Variants in FBXL13 observed in about 807,000 individuals in gnomAD.
The protein encoded by FBXL13 is F-box and leucine rich repeat protein 13, also known as F-box and leucine-rich repeat protein 13.
Under a neutral mutation model 83.6 loss-of-function variants are expected in FBXL13, and 67 were observed. The observed-to-expected ratio is 0.80, with a 90% CI of 0.66 to 0.98. The LOEUF (loss-of-function observed/expected upper bound fraction) is 0.98, where lower values mean the gene tolerates loss of function less well. FBXL13 is among the 50% of genes least tolerant of loss of function. The pLI, the probability that FBXL13 is intolerant of heterozygous loss-of-function variation, is 0.00. For synonymous variants in FBXL13, 272 were observed against 299.5 expected (o/e 0.91, Z 0.95); for missense variants, 822 against 866.5 (o/e 0.95, Z 0.64).
intron 18 of FBXL13, among the ~76,000 whole-genome samples, chr7:102,827,477 A>G (rs1010829705): frequency 3.3e-5 from 5 of 152,128 alleles, no homozygotes; most frequent in African/African-American, 9.7e-5. Flanking sequence ...AGCCAATACT[A>G]TGTGCCAGGA....
chr7:102,872,632 G>A (rs981036769), intron 16 of FBXL13, among the ~76,000 whole-genome samples: 2 of 152,180 alleles, frequency 1.3e-5, no homozygotes, highest in African/African-American at 4.8e-5. Flanking sequence ...TTTAGCAAAT[G>A]ATAATCCAAT....
At chr7:103,006,469 T>C (rs1791002858) in intron 6 of FBXL13, among the ~76,000 whole-genome samples, 1 of 152,148 alleles carries the variant, frequency 6.6e-6, no homozygotes, top group African/African-American at 2.4e-5. Context: ...TGTCATTGAA[T>C]ACTTGGGGCA....
At chr7:102,825,582 T>C (rs1427292060) in intron 18 of FBXL13, among the ~76,000 whole-genome samples, 1 of 152,158 alleles carries the variant, frequency 6.6e-6, no homozygotes, top group African/African-American at 2.4e-5. Context: ...TAAGACAGGG[T>C]ATGACCACTT....
intron 2 of FBXL13, among the ~76,000 whole-genome samples, chr7:103,039,533 C>T (rs936481527): frequency 6.6e-6 from 1 of 151,920 alleles, no homozygotes; most frequent in Non-Finnish European, 1.5e-5. Flanking sequence ...GTCAGATTCA[C>T]CAAGGTTGAA....
At chr7:103,047,263 T>C (rs1796373037) in intron 2 of FBXL13, among the ~76,000 whole-genome samples, 1 of 152,210 alleles carries the variant, frequency 6.6e-6, no homozygotes. Context: ...GATGATTTTA[T>C]CTTTTCCATG....
intron 5 of FBXL13, among the ~76,000 whole-genome samples, 175 bp from the exon 7 acceptor site, chr7:103,025,405 C>A (rs964461100): frequency 1.3e-5 from 2 of 151,590 alleles, no homozygotes; most frequent in Admixed American, 1.3e-4. Context: ...TTCTCTAAAC[C>A]ACCGAAGTAT....
At chr7:102,824,690 T>C (rs1799314349) in intron 18 of FBXL13, among the ~76,000 whole-genome samples, 1 of 152,062 alleles carries the variant, frequency 6.6e-6, no homozygotes, top group Admixed American at 6.5e-5. Context: ...TTTACCATGT[T>C]GGTCAGGCTG....
At chr7:103,035,689 C>T (rs189552094) in intron 2 of FBXL13, among the ~76,000 whole-genome samples, 2 of 152,010 alleles carry the variant, frequency 1.3e-5, no homozygotes, top group African/African-American at 4.8e-5. Flanking sequence ...CTGGTAAGAA[C>T]CAAATGTAAA....
intron 14 of FBXL13, among the ~76,000 whole-genome samples, chr7:102,879,831 C>T (rs1308418855): frequency 6.6e-6 from 1 of 152,164 alleles, no homozygotes; most frequent in Non-Finnish European, 1.5e-5. Context: ...CTCAGCCTCC[C>T]GAGTAGCTAG....
chr7:102,828,061 T>C (rs896827593), intron 18 of FBXL13, among the ~76,000 whole-genome samples: 2 of 152,230 alleles, frequency 1.3e-5, no homozygotes, highest in Non-Finnish European at 1.5e-5. Context: ...GACTTGGCAA[T>C]GCGGGCTCTT....
chr7:103,071,528 T>TG (rs1445431974), intron 1 of FBXL13, among the ~76,000 whole-genome samples: 4 of 150,894 alleles, frequency 2.7e-5, no homozygotes, highest in Non-Finnish European at 5.9e-5. Context: ...GGACTACAGG[T>TG]GTGAGCCACT....
intron 8 of FBXL13, among the ~76,000 whole-genome samples, chr7:102,959,384 T>A (rs1215038485): frequency 6.6e-6 from 1 of 152,154 alleles, no homozygotes; most frequent in Non-Finnish European, 1.5e-5. Context: ...TTCTCATGCA[T>A]GCTTTTTATA....
chr7:102,968,672 T>C (rs1198995213), intron 6 of FBXL13, among the ~76,000 whole-genome samples: 6 of 152,214 alleles, frequency 3.9e-5, no homozygotes, highest in Non-Finnish European at 7.3e-5. Context: ...GAAACATTTT[T>C]TAAAAACATA....
chr7:102,944,212 G>A lies in FBXL13; in HGVS notation c.725-12279C>T, dbSNP rs772819649. The stretch of plus-strand genomic sequence containing the variant: ...CAATAAATATTTTCTGTTTCCAGCC[G>A]CTTTTTTAGGGCTCACACATTTAGA... On this transcript the variant is annotated intron_variant, in intron 8 of 19. Transcript: ENST00000313221. The A allele has an allele frequency of 1.3e-5, 21 of 1,598,192 alleles. No homozygotes were observed. Among genetic ancestry groups the A allele is most frequent in the African/African-American group, 5.4e-5 (4 of 73,966 alleles).
intron 2 of FBXL13, among the ~76,000 whole-genome samples, chr7:103,049,765 C>A (rs988734230): frequency 6.6e-6 from 1 of 152,136 alleles, no homozygotes; most frequent in Non-Finnish European, 1.5e-5. Flanking sequence ...TCTTATTACC[C>A]GACTTTAGCC....
intron 6 of FBXL13, among the ~76,000 whole-genome samples, chr7:103,021,038 A>C (rs1019985526): frequency 6.6e-6 from 1 of 152,162 alleles, no homozygotes; most frequent in Non-Finnish European, 1.5e-5. Flanking sequence ...AATCCTAAGC[A>C]AAAAGAACAA....
At chr7:102,871,329 C>A (rs1413301068) in intron 16 of FBXL13, among the ~76,000 whole-genome samples, 1 of 152,036 alleles carries the variant, frequency 6.6e-6, no homozygotes, top group Non-Finnish European at 1.5e-5. Context: ...TCCTATATTA[C>A]CTATCTTTTT....
chr7:102,910,233 C>T (rs1814422754), intron 11 of FBXL13, among the ~76,000 whole-genome samples: 2 of 152,138 alleles, frequency 1.3e-5, no homozygotes, highest in Non-Finnish European at 2.9e-5. Context: ...CCCAGAGAGG[C>T]TCTCTGCACC....
rs537191788 is a variant in FBXL13, at chr7:102,930,702, T to C, written c.777+1179A>G. Among the ~76,000 whole-genome samples, 14 of 152,260 alleles carry C rather than the reference T, an allele frequency of 9.2e-5. No homozygotes were observed. In the South Asian group the frequency reaches 2.7e-3, roughly 29 times the overall value. On this transcript the variant is annotated intron_variant, in intron 9 of 19. Transcript: ENST00000313221. Reference sequence around the variant, plus strand: ...TACTATTCCTTCTGAATATCCTCTGTTCCTAAAAGTCAGCATTCCGTAAGG... The same window carrying C: ...TACTATTCCTTCTGAATATCCTCTGCTCCTAAAAGTCAGCATTCCGTAAGG...
Sources: allele counts gnomAD v4.1 joint callset (sites outside exome capture counted in the v4.1 genomes callset), GRCh38; gene constraint gnomAD v4.1.1; transcripts MANE v1.5; gene names NCBI Gene and HGNC (gene_info 2026-07-23, HGNC 2026-07-21).